The following KIAA0040 variants were observed in gnomAD, a reference collection of about 807,000 sequenced individuals.
KIAA0040 encodes uncharacterized protein KIAA0040.
KIAA0040 carries 10 observed loss-of-function variants against 7.2 expected under a neutral mutation model. That is an observed-to-expected ratio of 1.38 (90% CI 0.85 to 2.34). The LOEUF is 2.34. Among genes scored for constraint, KIAA0040 ranks in the 30% most tolerant of loss-of-function variants. KIAA0040 has a pLI of 0.00. For missense variants in KIAA0040, 89 were observed against 108.2 expected (o/e 0.82, Z 0.79); for synonymous variants, 49 against 40.1 (o/e 1.22, Z -0.84).
At chr1:175,177,722 C>T (rs1677259176) in intron 1 of KIAA0040, 38 bp from the exon 2 acceptor site, 1 of 152,110 alleles carries the variant, frequency 6.6e-6, no homozygotes, top group Non-Finnish European at 1.5e-5. Flanking sequence ...CATGTACTGC[C>T]CCTTTGGAGG....
rs567102553 is a variant in KIAA0040, at chr1:175,160,795, C to T, written c.219G>A (p.Lys73=). The change falls in exon 4 of 4, where the codon AAG becomes AAA. Residue 73 remains lysine (K), a synonymous_variant. Transcript: ENST00000423313. ...TCCAGAGGTCTTCTTCATCCTTCTT[C>T]TTCTTCTTCTTCTTCTTCTTCTTGT... ...EKNKKKKKKK[K]KKDEEDLWIS... 8.6e-5 allele frequency: 66 copies of T among 770,156 alleles called. No homozygotes were observed. In the African/African-American group the frequency reaches 2.0e-3, roughly 23 times the overall value. 47.7% of individuals were successfully genotyped at this position (770,156 alleles called of 1,614,324 possible). A position where few individuals can be genotyped will look rare whatever the true frequency, so the allele number is the denominator to read the frequency against.
chr1:175,171,612 C>T (rs1676998986), intron 2 of KIAA0040, among the ~76,000 whole-genome samples: 1 of 152,138 alleles, frequency 6.6e-6, no homozygotes, highest in Non-Finnish European at 1.5e-5. Context: ...CTTCCAGCCA[C>T]GAAAACTCAC....
At chr1:175,165,212 A>G (rs1296498669) in intron 3 of KIAA0040, among the ~76,000 whole-genome samples, 1 of 152,196 alleles carries the variant, frequency 6.6e-6, no homozygotes, top group Admixed American at 6.5e-5. Context: ...GATGGGAAAC[A>G]GTGATCCCAG....
At chr1:175,187,578 G>A (rs943166842) in intron 1 of KIAA0040, among the ~76,000 whole-genome samples, 3 of 152,196 alleles carry the variant, frequency 2.0e-5, no homozygotes, top group Admixed American at 1.3e-4. Context: ...TTGACTCAGA[G>A]TGCAGCATTC....
chr1:175,158,121 T>C lies in KIAA0040; in HGVS notation c.*2593A>G, dbSNP rs1676363469. The C allele has an allele frequency of 6.6e-6, 1 of 152,300 alleles. No homozygotes were observed. The highest frequency in any genetic ancestry group is 6.5e-5 in the Admixed American group (1 of 15,270). 9.4% of individuals were successfully genotyped at this position (152,300 alleles called of 1,614,324 possible). ...CTTAGGCTCCTTTCATGCACCTGTT[T>C]ATTTAACAAAACGTTTAGGGCCTAT... is the stretch of plus-strand genomic sequence containing the variant. On this transcript the variant is annotated 3_prime_UTR_variant, in exon 4 of 4. Transcript: ENST00000423313.
At position 175,160,878 on chromosome 1, in the gene KIAA0040, T is replaced by G; in HGVS notation, c.136A>C (p.Ile46Leu). The stretch of plus-strand genomic sequence containing the variant: ...GGGCTCCAGCAGCAATGGCAACAGA[T>G]GAAGAGGAGTGTGATGATCACCAAG... Reference protein sequence around the residue: ...PLLVIITLLFICCHCCWSPPG... With the variant: ...PLLVIITLLFLCCHCCWSPPG... The change falls in exon 4 of 4, where the codon ATC (isoleucine) becomes CTC (leucine). Residue 46 changes from isoleucine to leucine, a missense_variant. Coordinates refer to ENST00000423313, the MANE Select transcript of KIAA0040 (RefSeq NM_014656.3). The G allele has an allele frequency of 6.4e-7, 1 of 1,551,468 alleles. No homozygotes were observed. The highest frequency in any genetic ancestry group is 8.7e-7 in the Non-Finnish European group (1 of 1,146,972).
chr1:175,162,908 T>C (rs774319813), intron 3 of KIAA0040, among the ~76,000 whole-genome samples: 69 of 152,256 alleles, frequency 4.5e-4, no homozygotes, highest in Non-Finnish European at 7.2e-4. Context: ...ATGACAATAA[T>C]AATTGTAGCC....
chr1:175,185,667 T>A (rs562392917), intron 1 of KIAA0040, among the ~76,000 whole-genome samples: 7 of 152,278 alleles, frequency 4.6e-5, no homozygotes, highest in Admixed American at 1.3e-4. Context: ...AAGGTAGAAT[T>A]ACCATATGAT....
At chr1:175,184,652 T>C (rs995751744) in intron 1 of KIAA0040, among the ~76,000 whole-genome samples, 1 of 152,178 alleles carries the variant, frequency 6.6e-6, no homozygotes, top group Non-Finnish European at 1.5e-5. Context: ...GGCAACTGTG[T>C]GCCAGACACT....
chr1:175,161,502 T>C (rs1676542121), intron 3 of KIAA0040, among the ~76,000 whole-genome samples: 1 of 152,196 alleles, frequency 6.6e-6, no homozygotes, highest in Non-Finnish European at 1.5e-5. Context: ...GTTCTCAATC[T>C]TTTTTCCACT....
At chr1:175,180,876 G>T (rs1181766572) in intron 1 of KIAA0040, among the ~76,000 whole-genome samples, 1 of 152,134 alleles carries the variant, frequency 6.6e-6, no homozygotes, top group Non-Finnish European at 1.5e-5. Context: ...AAAATATACA[G>T]GGTCTCACTC....
intron 2 of KIAA0040, among the ~76,000 whole-genome samples, chr1:175,173,103 A>G (rs968991456): frequency 3.3e-5 from 5 of 151,990 alleles, no homozygotes; most frequent in Non-Finnish European, 7.4e-5. Flanking sequence ...CTTTATTTCC[A>G]TTCACTCCCA....
intron 1 of KIAA0040, among the ~76,000 whole-genome samples, chr1:175,183,700 G>C (rs898942902): frequency 3.3e-5 from 5 of 152,232 alleles, no homozygotes; most frequent in African/African-American, 1.2e-4. Context: ...CACAGCCACA[G>C]CCTGAGCAGT....
In KIAA0040 at chr1:175,160,464, G is replaced by T; in HGVS notation, c.*250C>A. On this transcript the variant is annotated 3_prime_UTR_variant, in exon 4 of 4. Coordinates refer to ENST00000423313, the MANE Select transcript of KIAA0040 (RefSeq NM_014656.3). ...TGGGGTATGCCAGAGACAGGTGGGAGGCATGCCTGGGTCTGCAGTAAGGAG... is the reference window on the plus strand; with the variant it reads ...TGGGGTATGCCAGAGACAGGTGGGATGCATGCCTGGGTCTGCAGTAAGGAG... 2.1e-6 allele frequency: 1 copy of T among 478,058 alleles called. No homozygotes were observed. Among genetic ancestry groups the T allele is most frequent in the Non-Finnish European group, 3.7e-6 (1 of 268,320 alleles). 29.6% of individuals were successfully genotyped at this position (478,058 alleles called of 1,614,324 possible).
chr1:175,192,817 G>GCCCCCCCCCCCCCCCCCCCC (rs1558405268), upstream of KIAA0040: 5 of 123,532 alleles, frequency 4.0e-5, no homozygotes, highest in East Asian at 2.5e-4. Context: ...CGTGGGAGCC[G>GCCCCCCCCCCCCCCCCCCCC]CCCGCCCCGC....
chr1:175,192,817 G>GCCCCCCCCCCCCCCCCCC (rs1558405268), upstream of KIAA0040: 11 of 123,520 alleles, frequency 8.9e-5, no homozygotes, highest in South Asian at 2.8e-4. Context: ...CGTGGGAGCC[G>GCCCCCCCCCCCCCCCCCC]CCCGCCCCGC....
intron 2 of KIAA0040, among the ~76,000 whole-genome samples, chr1:175,172,850 C>T (rs898257143): frequency 1.3e-5 from 2 of 152,204 alleles, no homozygotes; most frequent in African/African-American, 2.4e-5. Context: ...GTGTGTGAAG[C>T]ATGTTGTGTA....
At chr1:175,185,793 C>G (rs1198093682) in intron 1 of KIAA0040, among the ~76,000 whole-genome samples, 1 of 152,140 alleles carries the variant, frequency 6.6e-6, no homozygotes, top group Non-Finnish European at 1.5e-5. Context: ...ACACAGATGT[C>G]GGTCAACGAA....
intron 1 of KIAA0040, among the ~76,000 whole-genome samples, chr1:175,178,483 G>A (rs962462037): frequency 2.6e-5 from 4 of 152,164 alleles, no homozygotes; most frequent in African/African-American, 9.7e-5. Context: ...AATAACAATT[G>A]TTTGCATCAA....
Sources: allele counts gnomAD v4.1 joint callset (sites outside exome capture counted in the v4.1 genomes callset), GRCh38; gene constraint gnomAD v4.1.1; transcripts MANE v1.5; gene names NCBI Gene and HGNC (gene_info 2026-07-23, HGNC 2026-07-21).